Variants in UFD1 observed in about 807,000 individuals in gnomAD.
UFD1 encodes the protein ubiquitin recognition factor in ER associated degradation 1.
A neutral mutation model predicts 45.9 loss-of-function variants in UFD1; 13 were observed. That is an observed-to-expected ratio of 0.28 (90% CI 0.18 to 0.45). UFD1 has a LOEUF of 0.45. Among genes scored for constraint, UFD1 ranks in the 20% least tolerant of loss-of-function variants. The pLI is 1.00. For missense variants in UFD1, 218 were observed against 389.2 expected (o/e 0.56, Z 3.70); for synonymous variants, 128 against 139.2 (o/e 0.92, Z 0.56).
chr22:19,465,536 G>C (rs1432523247), intron 5 of UFD1: 2 of 448,514 alleles, frequency 4.5e-6, no homozygotes, highest in Non-Finnish European at 8.2e-6. Flanking sequence ...AGGGCAGTGA[G>C]ATTCCATCCA....
At chr22:19,478,976 G>T in intron 1 of UFD1, 107 bp downstream of exon 1, 1 of 1,456,224 alleles carries the variant, frequency 6.9e-7, no homozygotes, top group Non-Finnish European at 9.2e-7. Context: ...CTCAGGCCCG[G>T]GTGACTCGGC....
intron 11 of UFD1, chr22:19,453,533 G>A (rs767546592): frequency 1.0e-6 from 1 of 985,494 alleles, no homozygotes; most frequent in Non-Finnish European, 1.2e-6. Flanking sequence ...AAGGTCTTAG[G>A]TCGGAGTCAG....
At chr22:19,462,669 CA>C (rs200190002) in intron 6 of UFD1, among the ~76,000 whole-genome samples, 1 of 149,462 alleles carries the variant, frequency 6.7e-6, no homozygotes, top group South Asian at 2.1e-4. Flanking sequence ...GAGACTCTCT[CA>C]AAAAAAAAGA....
intron 10 of UFD1, among the ~76,000 whole-genome samples, chr22:19,455,240 C>G (rs1440782048): frequency 6.6e-6 from 1 of 152,276 alleles, no homozygotes; most frequent in East Asian, 1.9e-4. Context: ...TGTGGGTCCC[C>G]GGACCCAGCA....
chr22:19,471,857 C>T, intron 3 of UFD1, 49 bp from the exon 4 acceptor site: 1 of 1,585,606 alleles, frequency 6.3e-7, no homozygotes, highest in Non-Finnish European at 8.6e-7. Context: ...GAAGGGACAC[C>T]TGTTCGGCCC....
chr22:19,458,191 C>G, intron 6 of UFD1, 52 bp from the exon 7 acceptor site: 6 of 1,599,912 alleles, frequency 3.8e-6, no homozygotes, highest in Non-Finnish European at 5.1e-6. Context: ...AGCACTGGAG[C>G]TGTCGCTGTC....
At chr22:19,454,494 T>C in intron 11 of UFD1, 1 of 808,298 alleles carries the variant, frequency 1.2e-6, no homozygotes. Flanking sequence ...CTGCACCAGC[T>C]TTTTCTCTGC....
chr22:19,475,933 T>C (rs1056611265), intron 1 of UFD1, among the ~76,000 whole-genome samples: 2 of 152,176 alleles, frequency 1.3e-5, no homozygotes, highest in African/African-American at 4.8e-5. Context: ...AAACAATATT[T>C]GTTAATTGAA....
intron 9 of UFD1, among the ~76,000 whole-genome samples, chr22:19,456,197 A>G (rs1395689527): frequency 6.6e-6 from 1 of 152,160 alleles, no homozygotes; most frequent in Non-Finnish European, 1.5e-5. Flanking sequence ...GAGCCTTGCC[A>G]GTAGTTATGC....
chr22:19,453,319 T>G, intron 11 of UFD1: 1 of 985,550 alleles, frequency 1.0e-6, no homozygotes, highest in Non-Finnish European at 1.2e-6. Context: ...TCCACTGTCT[T>G]TCTTACCTCA....
chr22:19,453,659 A>G, intron 11 of UFD1: 2 of 985,558 alleles, frequency 2.0e-6, no homozygotes, highest in Non-Finnish European at 2.4e-6. Flanking sequence ...CTGAGCCTGA[A>G]AGGTCCCAAT....
Position 19,465,188 on chromosome 22 carries a change from T to G in UFD1, c.495+14A>C, listed in dbSNP as rs765455406. The G allele has an allele frequency of 1.2e-6, 2 of 1,613,750 alleles. No homozygotes were observed. Among genetic ancestry groups the G allele is most frequent in the African/African-American group, 1.3e-5 (1 of 74,936 alleles). On this transcript the variant is annotated intron_variant, in intron 6 of 11. Coordinates refer to ENST00000263202, the MANE Select transcript of UFD1 (RefSeq NM_005659.7). ...TGGCTCTTGTCAGGAATGACCTGCA[T>G]GAACTGGGCTCACCTTTTCATTATA...
chr22:19,458,999 T>C (rs2089744615), intron 6 of UFD1, among the ~76,000 whole-genome samples: 1 of 152,214 alleles, frequency 6.6e-6, no homozygotes, highest in South Asian at 2.1e-4. Flanking sequence ...GCTTATTTTA[T>C]AATAAAATGT....
chr22:19,475,092 G>C lies in UFD1; in HGVS notation c.145C>G (p.Pro49Ala), dbSNP rs762397719. 1 of 1,609,076 alleles carries C rather than the reference G, an allele frequency of 6.2e-7. No homozygotes were observed. Among genetic ancestry groups the C allele is most frequent in the South Asian group, 1.1e-5 (1 of 90,100 alleles). The change falls in exon 3 of 12, where the codon CCA becomes GCA. Residue 49 changes from proline (P) to alanine (A), a missense_variant. By Grantham distance (27) the Pro-to-Ala change is conservative. Transcript: ENST00000263202. ...DVEKGGKIIM[P>A]PSALDQLSRL... ...CTGAGTTGGTCCAGGGCCGAGGGTGGCATAATTACTGTGGAAAGAACATTT... is the reference window on the plus strand; with the variant it reads ...CTGAGTTGGTCCAGGGCCGAGGGTGCCATAATTACTGTGGAAAGAACATTT...
chr22:19,478,816 GA>G (rs1327626357), intron 1 of UFD1: 2 of 522,766 alleles, frequency 3.8e-6, no homozygotes, highest in African/African-American at 4.1e-5. Flanking sequence ...CCCGTGAATG[GA>G]CACAAACCTT....
chr22:19,463,338 T>C (rs1294773411), intron 6 of UFD1, among the ~76,000 whole-genome samples: 2 of 152,258 alleles, frequency 1.3e-5, no homozygotes, highest in Non-Finnish European at 2.9e-5. Context: ...TTGTTTAACA[T>C]TGTTTTTCAA....
intron 4 of UFD1, chr22:19,470,915 G>A (rs2089840222): frequency 2.0e-5 from 9 of 441,834 alleles, no homozygotes; most frequent in Admixed American, 5.1e-5. Flanking sequence ...AGCTCACTGC[G>A]GGGTCTCTCA....
intron 11 of UFD1, chr22:19,453,512 C>T (rs997330539): frequency 1.9e-5 from 19 of 985,358 alleles, no homozygotes; most frequent in African/African-American, 1.7e-4. Context: ...GCCTGGGGGA[C>T]GTCCCATGCT....
In UFD1 at chr22:19,465,378, G is replaced by A. The variant is rs1284967278; in HGVS notation, c.423-104C>T. 3.8e-5 allele frequency: 37 copies of A among 975,962 alleles called. 1 individual carries two copies. The East Asian group carries it at 9.0e-4, about 24-fold the overall frequency. 60.5% of individuals were successfully genotyped at this position (975,962 alleles called of 1,614,324 possible). A position where few individuals can be genotyped will look rare whatever the true frequency, so the allele number is the denominator to read the frequency against. On this transcript the variant is annotated intron_variant, in intron 5 of 11. Coordinates refer to ENST00000263202, the MANE Select transcript of UFD1 (RefSeq NM_005659.7). Reference sequence around the variant, plus strand: ...TGGTAGGTAGAGACTGTACCATGATGGTACTTGAAACACGAAGCTTTTAAT... The same window carrying A: ...TGGTAGGTAGAGACTGTACCATGATAGTACTTGAAACACGAAGCTTTTAAT...
Sources: allele counts gnomAD v4.1 joint callset (sites outside exome capture counted in the v4.1 genomes callset), GRCh38; gene constraint gnomAD v4.1.1; transcripts MANE v1.5; gene names NCBI Gene and HGNC (gene_info 2026-07-23, HGNC 2026-07-21).